CFAP47: variants seen among roughly 807,000 people sequenced by gnomAD.
CFAP47 encodes cilia and flagella associated protein 47, also known as cilia- and flagella-associated protein 47.
Under a neutral mutation model 148.1 loss-of-function variants are expected in CFAP47, and 29 were observed. The observed-to-expected ratio is 0.20, with a 90% CI of 0.15 to 0.27. CFAP47 has a LOEUF of 0.27. Among genes scored for constraint, CFAP47 ranks in the 10% least tolerant of loss-of-function variants. The probability of loss-of-function intolerance (pLI) is 1.00; values close to 1 mark genes in which losing one functional copy is unlikely to be tolerated. For synonymous variants in CFAP47, 664 were observed against 577.3 expected (o/e 1.15, Z -2.15); for missense variants, 1,872 against 1,697.5 (o/e 1.10, Z -1.81).
intron 61 of CFAP47, among the ~76,000 whole-genome samples, chrX:36,366,650 A>G (rs1941879724): frequency 2.7e-5 from 3 of 111,590 alleles, no homozygotes; most frequent in African/African-American, 9.8e-5. Flanking sequence ...GCACTATGAT[A>G]ATCTATGCTG....
chrX:35,953,713 A>G lies in CFAP47; in HGVS notation c.1168A>G (p.Ile390Val), dbSNP rs1166334980. ...GFLRDDDYKT[I>V]KSERFQKVEL... ...TTTGAGAGATGATGACTATAAAACC[A>G]TCAAAAGTAAGTGTGAAATTAACAA... Residue 390 changes from isoleucine to valine, a missense_variant, in exon 7 of 64, where the codon ATC becomes GTC. Physicochemically the swap from Ile to Val is conservative, Grantham distance 29 (BLOSUM62 3). Transcript: ENST00000378653. The G allele has an allele frequency of 8.5e-7, 1 of 1,183,342 alleles. No individual in the cohort carries two copies. Among genetic ancestry groups the G allele is most frequent in the Admixed American group, 2.3e-5 (1 of 42,932 alleles).
At chrX:35,958,838 T>C (rs1240951963) in intron 8 of CFAP47, among the ~76,000 whole-genome samples, 1 of 112,084 alleles carries the variant, frequency 8.9e-6, no homozygotes, top group African/African-American at 3.2e-5. Flanking sequence ...CACCTTAAAA[T>C]AGGAAAATTA....
chrX:36,087,856 G>T (rs980298612), intron 30 of CFAP47, among the ~76,000 whole-genome samples: 3 of 111,373 alleles, frequency 2.7e-5, no homozygotes, highest in Non-Finnish European at 3.8e-5. Flanking sequence ...CAAATGAGAG[G>T]GTCAAGTTGG....
At chrX:36,154,156 T>G (rs187219874) in intron 37 of CFAP47, among the ~76,000 whole-genome samples, 67 of 112,470 alleles carry the variant, frequency 6.0e-4, no homozygotes, top group Non-Finnish European at 9.8e-4. Flanking sequence ...TCCAAACTTT[T>G]AAGTTCTGCT....
chrX:36,208,229 G>C (rs16987414), intron 45 of CFAP47, among the ~76,000 whole-genome samples: 5,472 of 111,433 alleles, frequency 0.049, 372 homozygotes, highest in African/African-American at 0.17. Context: ...TAAATTGGTG[G>C]CTGAAATACC....
chrX:36,036,279 T>C (rs6527534), intron 24 of CFAP47, among the ~76,000 whole-genome samples: 34,604 of 110,155 alleles, frequency 0.31, 8,436 homozygotes, highest in African/African-American at 0.83. Context: ...TTTTTAGATT[T>C]CATATGAGTG....
Position 36,039,115 on chromosome X carries a change from A to C in CFAP47, c.3943A>C (p.Thr1315Pro). The change falls in exon 25 of 64, where the codon ACT becomes CCT. Residue 1315 changes from threonine to proline, a missense_variant. Transcript: ENST00000378653. ...GTTTGACCCTCCATTTATATTTTTCACTCCTGTTCCTTTGGATATAACAAC... is the reference window on the plus strand; with the variant it reads ...GTTTGACCCTCCATTTATATTTTTCCCTCCTGTTCCTTTGGATATAACAAC... ...LLFDPPFIFF[T>P]PVPLDITTVM... is the part of the protein sequence containing the mutation. 9.0e-7 allele frequency: 1 copy of C among 1,106,878 alleles called. No homozygotes were observed. Among genetic ancestry groups the C allele is most frequent in the Non-Finnish European group, 1.2e-6 (1 of 821,694 alleles). 91.2% of individuals were successfully genotyped at this position (1,106,878 alleles called of 1,213,427 possible).
rs147986580 is a variant in CFAP47 at position 36,375,710 on chromosome X, C to T, written c.9186-3640C>T. Among the ~76,000 whole-genome samples, 746 of 112,281 alleles carry T rather than the reference C, an allele frequency of 6.6e-3. 5 individuals carry two copies. Among genetic ancestry groups the T allele is most frequent in the African/African-American group, 0.018 (541 of 30,911 alleles). ...TTTGCTCATTTAAAGCAGTTATCTT[C>T]GCCAGACTTTATGAATTGGCTTCAG... On this transcript the variant is annotated intron_variant, in intron 62 of 63. Transcript: ENST00000378653.
At chrX:36,338,035 ATTTTTTTTTTTT>A (rs1209274928) in intron 57 of CFAP47, among the ~76,000 whole-genome samples, 3 of 46,570 alleles carry the variant, frequency 6.4e-5, no homozygotes, top group South Asian at 1.1e-3. Flanking sequence ...ACGCCTGGCT[ATTTTTTTTTTTT>A]TTTTTTTTTT....
chrX:36,020,254 G>A (rs1303751625), intron 22 of CFAP47, among the ~76,000 whole-genome samples: 5 of 112,003 alleles, frequency 4.5e-5, no homozygotes, highest in African/African-American at 9.7e-5. Flanking sequence ...GGGACCTGAC[G>A]TATGATTCTT....
chrX:36,024,875 G>A (rs2146713380), intron 22 of CFAP47, among the ~76,000 whole-genome samples: 1 of 111,693 alleles, frequency 9.0e-6, no homozygotes, highest in South Asian at 3.8e-4. Context: ...TTATGAAGTT[G>A]CTTTTTTTGT....
At chrX:36,371,637 C>T (rs868917300) in intron 62 of CFAP47, among the ~76,000 whole-genome samples, 1 of 75,314 alleles carries the variant, frequency 1.3e-5, no homozygotes, top group Admixed American at 1.5e-4. Flanking sequence ...TGTGTATATA[C>T]ACACATATGT....
chrX:35,930,272 C>A (rs1289927534), intron 2 of CFAP47, among the ~76,000 whole-genome samples: 1 of 111,474 alleles, frequency 9.0e-6, no homozygotes, highest in Non-Finnish European at 1.9e-5. Context: ...CCCTTGTATA[C>A]ATGAAATAAA....
At chrX:36,105,985 G>A (rs1049009186) in intron 33 of CFAP47, among the ~76,000 whole-genome samples, 5 of 111,860 alleles carry the variant, frequency 4.5e-5, no homozygotes, top group African/African-American at 1.3e-4. Flanking sequence ...CCTTTACAAA[G>A]CTTTTGTGCT....
intron 39 of CFAP47, among the ~76,000 whole-genome samples, chrX:36,161,043 T>C (rs971372695): frequency 1.8e-5 from 2 of 109,918 alleles, no homozygotes; most frequent in African/African-American, 6.6e-5. Flanking sequence ...AGATGGGGTT[T>C]CACCATGTTG....
intron 20 of CFAP47, 34 bp from the exon 21 acceptor site, chrX:36,001,579 G>C: frequency 6.9e-6 from 2 of 290,890 alleles, no homozygotes; most frequent in Non-Finnish European, 1.2e-5. Context: ...ATTTTTGATT[G>C]TTATGAATAT....
At chrX:36,355,252 A>G (rs1265965088) in intron 60 of CFAP47, among the ~76,000 whole-genome samples, 1 of 111,592 alleles carries the variant, frequency 9.0e-6, no homozygotes, top group Admixed American at 9.6e-5. Context: ...ACCCTTGAAC[A>G]TTGTTGGTAG....
At chrX:36,005,036 A>T (rs1936965454) in intron 21 of CFAP47, among the ~76,000 whole-genome samples, 1 of 110,819 alleles carries the variant, frequency 9.0e-6, no homozygotes, top group Non-Finnish European at 1.9e-5. Flanking sequence ...TAAGGTAGGT[A>T]ATAATTTAGT....
intron 40 of CFAP47, among the ~76,000 whole-genome samples, chrX:36,181,839 A>G (rs1019170060): frequency 1.8e-5 from 2 of 112,555 alleles, no homozygotes; most frequent in Admixed American, 9.4e-5. Context: ...CAAAAGCCAC[A>G]AAGTTTCTTA....
Sources: gnomAD v4.1 joint callset for allele counts (sites outside exome capture counted in the v4.1 genomes callset) on GRCh38, gnomAD v4.1.1 for gene constraint, MANE v1.5 for transcripts, NCBI Gene and HGNC (gene_info 2026-07-23, HGNC 2026-07-21) for gene names.